IDO1: variants seen among roughly 807,000 people sequenced by gnomAD.
The protein encoded by IDO1 is indolamine 2,3 dioxygenase.
IDO1 carries 35 observed loss-of-function variants against 38.8 expected under a neutral mutation model. The ratio of observed to expected loss-of-function variants is 0.90; its 90% confidence interval spans 0.69 to 1.20. The LOEUF is 1.20. Among genes scored for constraint, IDO1 ranks in the 50% most tolerant of loss-of-function variants. IDO1 has a pLI of 0.00. For synonymous variants in IDO1, 171 were observed against 170.0 expected (o/e 1.01, Z -0.05); for missense variants, 509 against 485.1 (o/e 1.05, Z -0.46).
chr8:39,928,262 C>G lies in IDO1; in HGVS notation c.*77C>G. 1 of 983,868 alleles carries G rather than the reference C, an allele frequency of 1.0e-6. No homozygotes were observed. Among genetic ancestry groups the G allele is most frequent in the Non-Finnish European group, 1.5e-6 (1 of 663,728 alleles). The allele number at this position is 983,868 out of a possible 1,614,324, so 60.9% of individuals were successfully genotyped here. A position where few individuals can be genotyped will look rare whatever the true frequency, so the allele number is the denominator to read the frequency against. ...CCTGTCATTACCCATTGTAACAGAG[C>G]CACAAACTAATACTATGCAATGTTT... On this transcript the variant is annotated 3_prime_UTR_variant, in exon 10 of 10. Coordinates refer to ENST00000518237, the MANE Select transcript of IDO1 (RefSeq NM_002164.6).
rs1807336484 is a variant in IDO1, at chr8:39,924,875, T to G, written c.707+103T>G. ...TATCCATTGGGTTTGGCTAACAATT[T>G]ACATCCAAAAATTCACATGGTAGAA... On this transcript the variant is annotated intron_variant, in intron 8 of 9. Coordinates refer to ENST00000518237, the MANE Select transcript of IDO1 (RefSeq NM_002164.6). 9 of 855,972 alleles carry G rather than the reference T, an allele frequency of 1.1e-5. No individual in the cohort carries two copies. The Admixed American group carries it at 1.8e-4, about 17-fold the overall frequency. 53.0% of individuals were successfully genotyped at this position (855,972 alleles called of 1,614,324 possible).
At position 39,927,847 on chromosome 8, in the gene IDO1, C is replaced by T. The variant is rs1807390033; in HGVS notation, c.874C>T (p.Leu292Phe). 1 of 1,548,562 alleles carries T rather than the reference C, an allele frequency of 6.5e-7. No homozygotes were observed. Among genetic ancestry groups the T allele is most frequent in the African/African-American group, 1.4e-5 (1 of 72,816 alleles). ...TCCTATAGGACATGCTGCTCAGTTC[C>T]TCCAGGACATGAGAAGATATATGCC... ...TAGGGHAAQF[L>F]QDMRRYMPPA... is the part of the protein sequence containing the mutation. Residue 292 changes from leucine (L) to phenylalanine (F), a missense_variant, in exon 10 of 10, where the codon CTC (leucine) becomes TTC (phenylalanine). Coordinates refer to ENST00000518237, the MANE Select transcript of IDO1 (RefSeq NM_002164.6).
intron 3 of IDO1, chr8:39,918,503 T>C: frequency 2.2e-6 from 1 of 460,852 alleles, no homozygotes; most frequent in South Asian, 2.7e-5. Context: ...CCCAGCACTT[T>C]GAGAGGCCAA....
chr8:39,921,594 A>T (rs1456515328), intron 5 of IDO1, among the ~76,000 whole-genome samples: 2 of 152,244 alleles, frequency 1.3e-5, no homozygotes, highest in Non-Finnish European at 2.9e-5. Flanking sequence ...TTTACAGATG[A>T]GAACACCAAG....
chr8:39,927,584 CA>C (rs1309641608), intron 9 of IDO1, among the ~76,000 whole-genome samples: 1 of 145,362 alleles, frequency 6.9e-6, no homozygotes, highest in Non-Finnish European at 1.5e-5. Context: ...AAAGCGCAAA[CA>C]AAAATACTTA....
At chr8:39,922,712 G>C (rs77622610) in intron 6 of IDO1, 61 bp downstream of exon 6, 3 of 1,107,000 alleles carry the variant, frequency 2.7e-6, no homozygotes, top group Non-Finnish European at 4.1e-6. Flanking sequence ...CAATCACTTC[G>C]GAGCCTAAAC....
chr8:39,914,368 A>C (rs1807141496), intron 1 of IDO1: 1 of 164,984 alleles, frequency 6.1e-6, no homozygotes, highest in Non-Finnish European at 1.3e-5. Context: ...CAGAGTTTTA[A>C]ATGAGCCATG....
At chr8:39,922,676 TTA>T in intron 6 of IDO1, 25 bp downstream of exon 6, 1 of 1,476,032 alleles carries the variant, frequency 6.8e-7, no homozygotes, top group Non-Finnish European at 9.5e-7. Flanking sequence ...ACTTCAAAAT[TTA>T]TATGTCAATT....
rs374857714 is a variant in IDO1, at chr8:39,925,337, C to G, written c.822C>G (p.Asp274Glu). ...AGQSSVFQCF[D>E]VLLGIQQTAG... ...AAAGCAGCGTCTTTCAGTGCTTTGACGTCCTGCTGGGCATCCAGCAGACTG... is the reference window on the plus strand; with the variant it reads ...AAAGCAGCGTCTTTCAGTGCTTTGAGGTCCTGCTGGGCATCCAGCAGACTG... The change falls in exon 9 of 10, where the codon GAC becomes GAG. Residue 274 changes from aspartate to glutamate, a missense_variant. Coordinates refer to ENST00000518237, the MANE Select transcript of IDO1 (RefSeq NM_002164.6). 7 of 1,612,942 alleles carry G rather than the reference C, an allele frequency of 4.3e-6. No homozygotes were observed. The highest frequency in any genetic ancestry group is 5.1e-6 in the Non-Finnish European group (6 of 1,179,514).
At position 39,922,607 on chromosome 8, in the gene IDO1, C is replaced by A; in HGVS notation, c.493C>A (p.Leu165Met). 1 of 1,613,516 alleles carries A rather than the reference C, an allele frequency of 6.2e-7. No homozygotes were observed. The highest frequency in any genetic ancestry group is 8.5e-7 in the Non-Finnish European group (1 of 1,179,624). The change falls in exon 6 of 10, where the codon CTG (leucine) becomes ATG (methionine). Residue 165 changes from leucine to methionine, a missense_variant. Transcript: ENST00000518237. ...RDGDCSKGFF[L>M]VSLLVEIAAA... ...TGGAGACTGCAGTAAAGGATTCTTC[C>A]TGGTCTCTCTATTGGTGGAAATAGC...
chr8:39,926,306 G>A (rs185630439), intron 9 of IDO1, among the ~76,000 whole-genome samples: 21 of 152,284 alleles, frequency 1.4e-4, no homozygotes, highest in East Asian at 9.6e-4. Context: ...GGTTGACTCC[G>A]GTGAAGCCAA....
chr8:39,920,700 G>A (rs1367887011), intron 5 of IDO1: 2 of 152,230 alleles, frequency 1.3e-5, no homozygotes, highest in African/African-American at 4.8e-5. Context: ...CTGGTGGCGG[G>A]CGCCTGTAAT....
At chr8:39,918,014 A>T in intron 2 of IDO1, 44 bp downstream of exon 2, 1 of 1,611,322 alleles carries the variant, frequency 6.2e-7, no homozygotes, top group Non-Finnish European at 8.5e-7. Flanking sequence ...TAGCTTCTTA[A>T]CATTGTTAAC....
At chr8:39,916,129 G>A (rs1008440541) in intron 1 of IDO1, among the ~76,000 whole-genome samples, 2 of 151,984 alleles carry the variant, frequency 1.3e-5, no homozygotes, top group Admixed American at 6.6e-5. Flanking sequence ...TCACGCCACC[G>A]CACTCCAGCC....
intron 5 of IDO1, 87 bp downstream of exon 5, chr8:39,920,201 T>C: frequency 9.6e-7 from 1 of 1,046,760 alleles, no homozygotes; most frequent in Non-Finnish European, 1.4e-6. Flanking sequence ...AAATGCATTT[T>C]TAAATGATTA....
At chr8:39,918,022 A>C (rs1807203712) in intron 2 of IDO1, 52 bp downstream of exon 2, 1 of 1,611,170 alleles carries the variant, frequency 6.2e-7, no homozygotes, top group African/African-American at 1.3e-5. Context: ...TAACATTGTT[A>C]ACTTGGTTTT....
intron 5 of IDO1, among the ~76,000 whole-genome samples, chr8:39,921,432 G>A (rs373311229): frequency 8.5e-5 from 13 of 152,214 alleles, no homozygotes; most frequent in East Asian, 1.9e-4. Flanking sequence ...CAGCCTGGGC[G>A]ACAGAGTAAG....
intron 4 of IDO1, 129 bp from the exon 5 acceptor site, chr8:39,919,970 TC>T (rs1807247477): frequency 1.3e-6 from 1 of 778,434 alleles, no homozygotes; most frequent in Non-Finnish European, 2.2e-6. Context: ...ATAAGCTTTT[TC>T]TTTTTACCTA....
In IDO1 at chr8:39,917,933, T is replaced by C; in HGVS notation, c.146T>C (p.Leu49Pro). ...TTCATTGCTAAACATCTGCCTGATC[T>C]CATAGAGTCTGGCCAGCTTCGAGAA... is the stretch of plus-strand genomic sequence containing the variant. Reference protein sequence around the residue: ...WMFIAKHLPDLIESGQLRERV... With the variant: ...WMFIAKHLPDPIESGQLRERV... The change falls in exon 2 of 10, where the codon CTC becomes CCC. Residue 49 changes from leucine to proline, a missense_variant. Coordinates refer to ENST00000518237, the MANE Select transcript of IDO1 (RefSeq NM_002164.6). The C allele has an allele frequency of 6.2e-7, 1 of 1,613,256 alleles. No individual in the cohort carries two copies. The highest frequency in any genetic ancestry group is 1.3e-5 in the African/African-American group (1 of 75,024).
Sources: gnomAD v4.1 joint callset for allele counts (sites outside exome capture counted in the v4.1 genomes callset) on GRCh38, gnomAD v4.1.1 for gene constraint, MANE v1.5 for transcripts, NCBI Gene and HGNC (gene_info 2026-07-23, HGNC 2026-07-21) for gene names.